Variants in IFT25 observed in about 807,000 individuals in gnomAD.
The protein encoded by IFT25 is intraflagellar transport protein 25 homolog.
At chr1:53,924,024 C>T in the IFT25 span, 3 of 881,140 alleles carry the variant, frequency 3.4e-6, no homozygotes, top group Admixed American at 2.0e-5. Context: ...TTATGTTCAG[C>T]AAAATATGAT....
At chr1:53,928,399 C>G in the IFT25 span, 1 of 1,613,442 alleles carries the variant, frequency 6.2e-7, no homozygotes, top group Non-Finnish European at 8.5e-7. Flanking sequence ...TCAAAATCAA[C>G]TGGCTCTTTA....
At chr1:53,917,979 C>T in the IFT25 span, among the ~76,000 whole-genome samples, 1 of 152,156 alleles carries the variant, frequency 6.6e-6, no homozygotes, top group Admixed American at 6.5e-5. Context: ...ATGCCACTGA[C>T]TTTTTGAAGA....
chr1:53,921,764 G>A, the IFT25 span: 1 of 1,599,766 alleles, frequency 6.3e-7, no homozygotes, highest in East Asian at 2.2e-5. Context: ...GAGCCATCAT[G>A]TGCCTGTATG....
At chr1:53,915,239 CCT>C in the IFT25 span, among the ~76,000 whole-genome samples, 1 of 152,134 alleles carries the variant, frequency 6.6e-6, no homozygotes, top group Admixed American at 6.5e-5. Context: ...AAAAAAACCC[CCT>C]GCCTTGGGGA....
the IFT25 span, chr1:53,930,093 TAATG>T: frequency 1.9e-6 from 3 of 1,573,534 alleles, no homozygotes; most frequent in Non-Finnish European, 2.6e-6. Flanking sequence ...TGGAAACAAA[TAATG>T]AATTCCTGGG....
chr1:53,928,214 G>A, the IFT25 span, among the ~76,000 whole-genome samples: 1 of 152,204 alleles, frequency 6.6e-6, no homozygotes, highest in Non-Finnish European at 1.5e-5. Flanking sequence ...TGAAGAAGCA[G>A]CTTTGTATTC....
chr1:53,939,545 CA>C, the IFT25 span: 1 of 156,338 alleles, frequency 6.4e-6, no homozygotes, highest in African/African-American at 2.4e-5. Flanking sequence ...AGGGGAGAAG[CA>C]AAACAATACA....
the IFT25 span, among the ~76,000 whole-genome samples, chr1:53,929,241 G>A: frequency 2.0e-5 from 3 of 152,180 alleles, no homozygotes; most frequent in South Asian, 6.2e-4. Flanking sequence ...TGACATCTTT[G>A]ACAGTTTCTC....
chr1:53,937,262 G>T, the IFT25 span, among the ~76,000 whole-genome samples: 1 of 151,962 alleles, frequency 6.6e-6, no homozygotes, highest in African/African-American at 2.4e-5. Flanking sequence ...GACTATAGGT[G>T]CACGCCACCA....
chr1:53,941,952 G>C, the IFT25 span, among the ~76,000 whole-genome samples: 1 of 152,102 alleles, frequency 6.6e-6, no homozygotes. Flanking sequence ...TAGTACTCTA[G>C]GTAGATATTT....
chr1:53,920,660 T>C, the IFT25 span, among the ~76,000 whole-genome samples: 1 of 152,170 alleles, frequency 6.6e-6, no homozygotes, highest in Non-Finnish European at 1.5e-5. Context: ...ACTTAAGAAA[T>C]AGTATTCTTA....
At chr1:53,925,820 G>A in the IFT25 span, among the ~76,000 whole-genome samples, 2 of 150,912 alleles carry the variant, frequency 1.3e-5, no homozygotes, top group African/African-American at 4.9e-5. Context: ...AGTATTTTAG[G>A]CCAGGTGTGG....
At chr1:53,933,301 A>AT in the IFT25 span, among the ~76,000 whole-genome samples, 1 of 151,590 alleles carries the variant, frequency 6.6e-6, no homozygotes, top group African/African-American at 2.4e-5. Flanking sequence ...CGCCTGGCTA[A>AT]TTTTTTTTAT....
the IFT25 span, among the ~76,000 whole-genome samples, chr1:53,913,840 C>G: frequency 3.9e-5 from 6 of 152,170 alleles, no homozygotes; most frequent in Non-Finnish European, 8.8e-5. Context: ...ACACAAAGAG[C>G]TCGTGTGAGC....
At chr1:53,928,014 G>A in the IFT25 span, among the ~76,000 whole-genome samples, 1 of 152,164 alleles carries the variant, frequency 6.6e-6, no homozygotes, top group African/African-American at 2.4e-5. Flanking sequence ...AATTCTGCTG[G>A]TGATATTTAA....
the IFT25 span, among the ~76,000 whole-genome samples, chr1:53,922,268 C>A: frequency 6.6e-6 from 1 of 152,234 alleles, no homozygotes; most frequent in African/African-American, 2.4e-5. Context: ...GTGGCACGCA[C>A]CTGTAATCCC....
chr1:53,932,844 G>A, the IFT25 span, among the ~76,000 whole-genome samples: 2 of 152,180 alleles, frequency 1.3e-5, no homozygotes, highest in Non-Finnish European at 2.9e-5. Context: ...GGGATTACAG[G>A]CGTGAGCCAC....
At chr1:53,912,260 T>A in the IFT25 span, among the ~76,000 whole-genome samples, 3 of 152,204 alleles carry the variant, frequency 2.0e-5, no homozygotes, top group African/African-American at 7.2e-5. Flanking sequence ...TAATAGTAGC[T>A]GGAACTGAGG....
At chr1:53,923,629 C>A in the IFT25 span, 1 of 323,798 alleles carries the variant, frequency 3.1e-6, no homozygotes, top group Non-Finnish European at 5.6e-6. Context: ...GAAAGCAAAC[C>A]AAATAAATAC....
Sources: gnomAD v4.1 joint callset for allele counts (sites outside exome capture counted in the v4.1 genomes callset) on GRCh38, gnomAD v4.1.1 for gene constraint, MANE v1.5 for transcripts, NCBI Gene and HGNC (gene_info 2026-07-23, HGNC 2026-07-21) for gene names.